GNAQ: variants seen among roughly 807,000 people sequenced by gnomAD.
GNAQ encodes G protein subunit alpha q.
A neutral mutation model predicts 43.9 loss-of-function variants in GNAQ; 8 were observed. The observed-to-expected ratio is 0.18, with a 90% CI of 0.11 to 0.33. The LOEUF (loss-of-function observed/expected upper bound fraction) is 0.33. Among genes scored for constraint, GNAQ ranks in the 10% least tolerant of loss-of-function variants. GNAQ has a pLI of 1.00. For synonymous variants in GNAQ, 155 were observed against 170.7 expected, an observed-to-expected ratio of 0.91 and a Z score of 0.71; for missense variants, 158 against 450.8, an observed-to-expected ratio of 0.35 and a Z score of 5.88.
intron 2 of GNAQ, among the ~76,000 whole-genome samples, chr9:77,871,048 C>G (rs548065767): frequency 1.3e-5 from 2 of 152,264 alleles, no homozygotes; most frequent in South Asian, 4.1e-4. Context: ...ATGGTTCATA[C>G]ATTTGTCATA....
intron 1 of GNAQ, among the ~76,000 whole-genome samples, chr9:78,016,940 T>C (rs549468627): frequency 6.6e-6 from 1 of 152,176 alleles, no homozygotes; most frequent in Admixed American, 6.5e-5. Flanking sequence ...AAAACTGTTA[T>C]GTGTTGTGTT....
chr9:77,773,247 G>A (rs1564106674), intron 5 of GNAQ, among the ~76,000 whole-genome samples: 1 of 152,236 alleles, frequency 6.6e-6, no homozygotes, highest in East Asian at 1.9e-4. Flanking sequence ...CTCTGGCTGT[G>A]AGGCATAAAT....
intron 1 of GNAQ, among the ~76,000 whole-genome samples, chr9:77,949,440 T>C (rs1007669617): frequency 1.3e-5 from 2 of 152,192 alleles, no homozygotes; most frequent in Admixed American, 6.5e-5. Context: ...GGCTTTGGAA[T>C]ACTCCTGGGG....
intron 5 of GNAQ, among the ~76,000 whole-genome samples, chr9:77,746,577 T>G (rs1177677897): frequency 6.6e-6 from 1 of 151,974 alleles, no homozygotes; most frequent in Non-Finnish European, 1.5e-5. Flanking sequence ...AAAATTAAAA[T>G]GTAAGGCAAT....
At chr9:77,852,141 G>C (rs1014352618) in intron 2 of GNAQ, among the ~76,000 whole-genome samples, 44 of 152,160 alleles carry the variant, frequency 2.9e-4, no homozygotes, top group Non-Finnish European at 2.6e-4. Context: ...ACAGGGGCAG[G>C]GTTGGTTTGC....
intron 4 of GNAQ, among the ~76,000 whole-genome samples, chr9:77,795,768 C>T (rs1348494712): frequency 3.9e-5 from 6 of 152,124 alleles, no homozygotes; most frequent in East Asian, 1.9e-4. Flanking sequence ...TACTAATTTA[C>T]GTGAAATCCT....
chr9:77,728,581 G>A lies in GNAQ; in HGVS notation c.822C>T (p.Asn274=), dbSNP rs1339448980. 8 of 1,597,290 alleles carry A rather than the reference G, an allele frequency of 5.0e-6. No homozygotes were observed. The highest frequency in any genetic ancestry group is 6.9e-6 in the Non-Finnish European group (8 of 1,165,568). ...TTTTCTCCTCTAGAAGATCTTTCTT[G>A]TTTAAGAACAGAATAACCGAGGAGT... ...FQNSSVILFL[N]KKDLLEEKIM... is the part of the protein sequence containing the mutation. The change falls in exon 6 of 7, where the codon AAC becomes AAT. Residue 274 remains asparagine (N), a synonymous_variant. Transcript: ENST00000286548.
At chr9:77,940,378 T>C (rs1202887181) in intron 1 of GNAQ, among the ~76,000 whole-genome samples, 2 of 152,152 alleles carry the variant, frequency 1.3e-5, no homozygotes, top group East Asian at 3.9e-4. Context: ...CTCAGGAGTT[T>C]GAGATCAGCT....
At chr9:77,854,496 C>T (rs145329472) in intron 2 of GNAQ, among the ~76,000 whole-genome samples, 2 of 152,304 alleles carry the variant, frequency 1.3e-5, no homozygotes, top group East Asian at 1.9e-4. Context: ...GTTATCTGCT[C>T]ATTAATTGCT....
chr9:77,983,221 A>G (rs1037866413), intron 1 of GNAQ, among the ~76,000 whole-genome samples: 1 of 152,216 alleles, frequency 6.6e-6, no homozygotes, highest in Admixed American at 6.5e-5. Context: ...GTGCATGGTG[A>G]TAACATTTAC....
chr9:77,842,754 G>A (rs1158367900), intron 2 of GNAQ, among the ~76,000 whole-genome samples: 4 of 152,106 alleles, frequency 2.6e-5, no homozygotes, highest in African/African-American at 9.7e-5. Flanking sequence ...AACCCAAGCT[G>A]AGATGGCTTC....
At chr9:77,879,228 A>T (rs1050924097) in intron 2 of GNAQ, among the ~76,000 whole-genome samples, 1 of 152,120 alleles carries the variant, frequency 6.6e-6, no homozygotes, top group Non-Finnish European at 1.5e-5. Flanking sequence ...TGTCACCCAG[A>T]AATTGTTCTT....
At chr9:77,825,853 T>C (rs149023611) in intron 2 of GNAQ, among the ~76,000 whole-genome samples, 8 of 152,290 alleles carry the variant, frequency 5.3e-5, no homozygotes, top group African/African-American at 1.7e-4. Flanking sequence ...CTAGGACTTA[T>C]GATCAACCTA....
At chr9:77,792,940 A>T (rs1826598914) in intron 5 of GNAQ, among the ~76,000 whole-genome samples, 1 of 152,108 alleles carries the variant, frequency 6.6e-6, no homozygotes, top group Admixed American at 6.5e-5. Context: ...CTTCTAGGGC[A>T]GAGTTGATTT....
chr9:77,938,700 C>T (rs923083644), intron 1 of GNAQ, among the ~76,000 whole-genome samples: 11 of 152,198 alleles, frequency 7.2e-5, no homozygotes, highest in African/African-American at 2.4e-4. Context: ...ACCTTTAGCA[C>T]TACTGGAAGG....
chr9:77,914,986 T>C (rs1828873989), intron 2 of GNAQ, among the ~76,000 whole-genome samples: 1 of 152,160 alleles, frequency 6.6e-6, no homozygotes, highest in Admixed American at 6.5e-5. Flanking sequence ...TGCTGTAGAA[T>C]GGATAAAGTT....
At chr9:77,954,633 T>A (rs1311105663) in intron 1 of GNAQ, among the ~76,000 whole-genome samples, 3 of 151,760 alleles carry the variant, frequency 2.0e-5, no homozygotes, top group Non-Finnish European at 4.4e-5. Context: ...AATGTTAGAG[T>A]TTAATGACAC....
intron 2 of GNAQ, among the ~76,000 whole-genome samples, chr9:77,817,503 A>T (rs187091919): frequency 6.6e-6 from 1 of 152,344 alleles, no homozygotes; most frequent in East Asian, 1.9e-4. Flanking sequence ...GGCTTTACCC[A>T]TAACACTGGT....
intron 2 of GNAQ, among the ~76,000 whole-genome samples, chr9:77,913,338 A>G (rs1473687967): frequency 6.6e-6 from 1 of 150,826 alleles, no homozygotes; most frequent in Non-Finnish European, 1.5e-5. Flanking sequence ...TTTATAAAAT[A>G]AAATGTCATA....
Sources: allele counts gnomAD v4.1 joint callset (sites outside exome capture counted in the v4.1 genomes callset), GRCh38; gene constraint gnomAD v4.1.1; transcripts MANE v1.5; gene names NCBI Gene and HGNC (gene_info 2026-07-23, HGNC 2026-07-21).